PKNOX1: variants seen among roughly 807,000 people sequenced by gnomAD.
The protein encoded by PKNOX1 is PBX/knotted 1 homeobox 1.
PKNOX1 carries 15 observed loss-of-function variants against 51.9 expected under a neutral mutation model. That is an observed-to-expected ratio of 0.29 (90% CI 0.19 to 0.45). The LOEUF (loss-of-function observed/expected upper bound fraction) is 0.45. Among genes scored for constraint, PKNOX1 ranks in the 20% least tolerant of loss-of-function variants. The probability of loss-of-function intolerance (pLI) is 1.00; values close to 1 mark genes in which losing one functional copy is unlikely to be tolerated. For synonymous variants in PKNOX1, 219 were observed against 211.1 expected, an observed-to-expected ratio of 1.04 and a Z score of -0.32; for missense variants, 462 against 547.5, an observed-to-expected ratio of 0.84 and a Z score of 1.56.
chr21:43,024,227 A>G (rs948726930), intron 8 of PKNOX1, among the ~76,000 whole-genome samples: 1 of 152,124 alleles, frequency 6.6e-6, no homozygotes, highest in Non-Finnish European at 1.5e-5. Context: ...TGTGGTACCC[A>G]TGATGGAAAT....
At chr21:42,987,404 A>AAAAAAAAAAT in intron 1 of PKNOX1, among the ~76,000 whole-genome samples, 1 of 41,418 alleles carries the variant, frequency 2.4e-5, no homozygotes, top group African/African-American at 9.3e-5. Context: ...AAAAAAAAAA[A>AAAAAAAAAAT]ATATATATAT....
intron 1 of PKNOX1, among the ~76,000 whole-genome samples, chr21:43,000,791 GA>G (rs1978718564): frequency 6.6e-6 from 1 of 152,194 alleles, no homozygotes; most frequent in Non-Finnish European, 1.5e-5. Context: ...GCTGTGGTGG[GA>G]GCATCTCTTG....
At position 43,030,042 on chromosome 21, in the gene PKNOX1, G is replaced by C; in HGVS notation, c.1252G>C (p.Ala418Pro). Reference sequence around the variant, plus strand: ...GGACAGCACAGAGGAGGATGCGGGTGCCCTGGCCCCTGCCCACATCAGCGG... The same window carrying C: ...GGACAGCACAGAGGAGGATGCGGGTCCCCTGGCCCCTGCCCACATCAGCGG... ...SVDSTEEDAG[A>P]LAPAHISGLV... Residue 418 changes from alanine (A) to proline (P), a missense_variant, in exon 11 of 11, where the codon GCC becomes CCC. Ala to Pro is a conservative substitution (Grantham distance 27). This residue lies in a region of PKNOX1 where 118 missense variants were observed against 116.8 expected (regional missense o/e 1.01). Transcript: ENST00000291547. The C allele has an allele frequency of 6.2e-7, 1 of 1,613,596 alleles. No individual in the cohort carries two copies. Among genetic ancestry groups the C allele is most frequent in the Non-Finnish European group, 8.5e-7 (1 of 1,179,672 alleles).
intron 8 of PKNOX1, among the ~76,000 whole-genome samples, chr21:43,022,700 A>G (rs945911560): frequency 1.3e-5 from 2 of 152,190 alleles, no homozygotes; most frequent in African/African-American, 4.8e-5. Flanking sequence ...GAAAACGGAA[A>G]GATTTGTGTG....
chr21:43,006,757 C>G lies in PKNOX1; in HGVS notation c.52-734C>G, dbSNP rs1033802958. Among the ~76,000 whole-genome samples, 5 of 152,198 alleles carry G rather than the reference C, an allele frequency of 3.3e-5. 1 individual carries two copies. The highest frequency in any genetic ancestry group is 2.0e-4 in the Admixed American group (3 of 15,276). On this transcript the variant is annotated intron_variant, in intron 2 of 10. Transcript: ENST00000291547. Reference sequence around the variant, plus strand: ...AAGCTGCTTCCTCAAGGGGCAGAAGCATGGCCAAATCCACCGCGGGAGAAA... The same window carrying G: ...AAGCTGCTTCCTCAAGGGGCAGAAGGATGGCCAAATCCACCGCGGGAGAAA...
intron 10 of PKNOX1, among the ~76,000 whole-genome samples, chr21:43,029,258 G>A (rs1601306970): frequency 1.3e-5 from 2 of 152,116 alleles, no homozygotes; most frequent in African/African-American, 4.8e-5. Context: ...CATCCCCCAT[G>A]CCCTTCTCTT....
chr21:43,022,909 A>G (rs1979825634), intron 8 of PKNOX1, among the ~76,000 whole-genome samples: 1 of 152,222 alleles, frequency 6.6e-6, no homozygotes, highest in African/African-American at 2.4e-5. Flanking sequence ...ATTACAGCCA[A>G]TCAGTATATG....
intron 1 of PKNOX1, among the ~76,000 whole-genome samples, chr21:42,978,476 C>A (rs906485770): frequency 8.4e-5 from 8 of 95,674 alleles, no homozygotes; most frequent in African/African-American, 3.3e-4. Context: ...TTGTTTTTTT[C>A]TTTTCTTTTC....
chr21:42,983,869 T>C (rs2059038537), intron 1 of PKNOX1, among the ~76,000 whole-genome samples: 1 of 152,204 alleles, frequency 6.6e-6, no homozygotes, highest in African/African-American at 2.4e-5. Context: ...TATTTTCTTA[T>C]GTGTTGTTGC....
chr21:43,032,584 G>A lies in PKNOX1; in HGVS notation c.*2483G>A. 1 of 174,730 alleles carries A rather than the reference G, an allele frequency of 5.7e-6. No individual in the cohort carries two copies. Among genetic ancestry groups the A allele is most frequent in the Non-Finnish European group, 1.2e-5 (1 of 80,362 alleles). The allele number at this position is 174,730 out of a possible 1,614,324, so 10.8% of individuals were successfully genotyped here. A position where few individuals can be genotyped will look rare whatever the true frequency, so the allele number is the denominator to read the frequency against. Reference sequence around the variant, plus strand: ...TGCACTATGCTTGCACCTGTGAATAGCCACTGCACTCCATCTTGGGCAACA... The same window carrying A: ...TGCACTATGCTTGCACCTGTGAATAACCACTGCACTCCATCTTGGGCAACA... On this transcript the variant is annotated 3_prime_UTR_variant, in exon 11 of 11. Coordinates refer to ENST00000291547, the MANE Select transcript of PKNOX1 (RefSeq NM_004571.5).
At chr21:42,987,407 ATATATATATATAT>A (rs2059059329) in intron 1 of PKNOX1, among the ~76,000 whole-genome samples, 3 of 80,760 alleles carry the variant, frequency 3.7e-5, no homozygotes, top group Non-Finnish European at 9.2e-5. Flanking sequence ...AAAAAAAAAT[ATATATATATATAT>A]ATATATATGT....
At chr21:43,027,486 C>T (rs1025238806) in intron 9 of PKNOX1, among the ~76,000 whole-genome samples, 12 of 152,172 alleles carry the variant, frequency 7.9e-5, no homozygotes, top group Admixed American at 2.0e-4. Context: ...TTTGAGTCTC[C>T]TTGCACTTTC....
intron 5 of PKNOX1, among the ~76,000 whole-genome samples, chr21:43,015,643 A>G (rs1471762295): frequency 2.0e-5 from 3 of 152,150 alleles, no homozygotes; most frequent in Admixed American, 2.0e-4. Flanking sequence ...GAGATTATGT[A>G]GACTTGGTGT....
chr21:43,002,300 C>G (rs1978793652), intron 1 of PKNOX1, among the ~76,000 whole-genome samples: 1 of 152,100 alleles, frequency 6.6e-6, no homozygotes, highest in Admixed American at 6.6e-5. Context: ...CTTAAAATGT[C>G]CCAACATGCC....
At chr21:43,012,000 A>G (rs1979276457) in intron 4 of PKNOX1, among the ~76,000 whole-genome samples, 1 of 152,192 alleles carries the variant, frequency 6.6e-6, no homozygotes, top group Non-Finnish European at 1.5e-5. Context: ...CTAGGCTGGC[A>G]GGGACCAAGG....
In PKNOX1 at chr21:43,028,910, C is replaced by T. The variant is rs756873412; in HGVS notation, c.1099+36C>T. The T allele has an allele frequency of 4.4e-6, 7 of 1,605,314 alleles. No individual in the cohort carries two copies. The Admixed American group carries it at 1.2e-4, about 27-fold the overall frequency. ...CCGGCCAAGGCCAGACATGGTGGAC[C>T]ATGGGGTGGGGATTATGAACAAGAG... On this transcript the variant is annotated intron_variant, in intron 10 of 10. Coordinates refer to ENST00000291547, the MANE Select transcript of PKNOX1 (RefSeq NM_004571.5).
chr21:42,987,400 AAAAAATATAT>A (rs1233335863), intron 1 of PKNOX1, among the ~76,000 whole-genome samples: 2 of 71,212 alleles, frequency 2.8e-5, no homozygotes, highest in African/African-American at 1.1e-4. Context: ...AAAAAAAAAA[AAAAAATATAT>A]ATATATATAT....
At chr21:43,019,421 A>AAC (rs1555862921) in intron 7 of PKNOX1, among the ~76,000 whole-genome samples, 3 of 138,310 alleles carry the variant, frequency 2.2e-5, no homozygotes, top group African/African-American at 5.2e-5. Flanking sequence ...AAAAAAAAAC[A>AAC]CACATTTTTT....
chr21:42,976,089 A>G (rs968386285), intron 1 of PKNOX1, among the ~76,000 whole-genome samples: 4 of 152,244 alleles, frequency 2.6e-5, no homozygotes, highest in African/African-American at 7.2e-5. Context: ...GTCCTTGTAC[A>G]CAGGCGTACC....
Sources: gnomAD v4.1 joint callset for allele counts (sites outside exome capture counted in the v4.1 genomes callset) on GRCh38, gnomAD v4.1.1 for gene constraint, gnomAD v4.1.1 regional missense constraint, MANE v1.5 for transcripts, NCBI Gene and HGNC (gene_info 2026-07-23, HGNC 2026-07-21) for gene names.